The following PTGER3 variants were observed in gnomAD, a reference collection of about 807,000 sequenced individuals.
PTGER3 encodes the protein prostaglandin E receptor 3.
Under a neutral mutation model 34.7 loss-of-function variants are expected in PTGER3, and 22 were observed. The observed-to-expected ratio is 0.63, with a 90% CI of 0.45 to 0.91. PTGER3 has a LOEUF of 0.91. Among genes scored for constraint, PTGER3 ranks in the 40% least tolerant of loss-of-function variants. PTGER3 has a pLI of 0.00. For missense variants in PTGER3, 468 were observed against 519.4 expected (o/e 0.90, Z 0.96); for synonymous variants, 241 against 230.1 (o/e 1.05, Z -0.43).
intron 4 of PTGER3, among the ~76,000 whole-genome samples, chr1:70,938,143 T>A (rs1318744225): frequency 6.6e-6 from 1 of 152,142 alleles, no homozygotes; most frequent in Non-Finnish European, 1.5e-5. Flanking sequence ...TTAGCAAAAG[T>A]CTTATTTTAA....
chr1:70,891,472 G>T (rs1288448687), intron 4 of PTGER3, among the ~76,000 whole-genome samples: 1 of 151,796 alleles, frequency 6.6e-6, no homozygotes, highest in Middle Eastern at 3.2e-3. Context: ...CTCAGTTCTT[G>T]CTATTCTATT....
chr1:71,012,957 A>G (rs1290950093), intron 1 of PTGER3, among the ~76,000 whole-genome samples: 2 of 152,144 alleles, frequency 1.3e-5, no homozygotes, highest in African/African-American at 2.4e-5. Context: ...TATTGCCACT[A>G]GCATTTTCAG....
chr1:70,863,692 AT>A (rs11378106), intron 4 of PTGER3, among the ~76,000 whole-genome samples: 4,900 of 148,332 alleles, frequency 0.033, 298 homozygotes, highest in East Asian at 0.21. Flanking sequence ...TAGCAAATGG[AT>A]TTTTTTTTTT....
At chr1:70,861,471 T>A (rs1645925485) in intron 4 of PTGER3, among the ~76,000 whole-genome samples, 1 of 152,202 alleles carries the variant, frequency 6.6e-6, no homozygotes, top group Non-Finnish European at 1.5e-5. Flanking sequence ...CTGCATCACC[T>A]TGGCTATATT....
At chr1:70,926,507 T>C (rs938170584) in intron 4 of PTGER3, among the ~76,000 whole-genome samples, 3 of 152,178 alleles carry the variant, frequency 2.0e-5, no homozygotes, top group Non-Finnish European at 4.4e-5. Flanking sequence ...ATAAGAATGC[T>C]TGTGATTTTT....
At position 70,992,743 on chromosome 1, in the gene PTGER3, G is replaced by T. The variant is rs577280106; in HGVS notation, c.1078-18355C>A. Reference sequence around the variant, plus strand: ...ATCATTTTACTTGATTTCCTTTAGGGCTCAACCAAATAAAAGATACTAATT... The same window carrying T: ...ATCATTTTACTTGATTTCCTTTAGGTCTCAACCAAATAAAAGATACTAATT... On this transcript the variant is annotated intron_variant, in intron 2 of 3. Transcript: ENST00000306666. Among the ~76,000 whole-genome samples the T allele has an allele frequency of 2.0e-5, 3 of 152,216 alleles. No homozygotes were observed. The East Asian group carries it at 5.8e-4, about 29-fold the overall frequency.
At chr1:70,966,616 C>A (rs1011665447), downstream of PTGER3, among the ~76,000 whole-genome samples, 2 of 152,052 alleles carry the variant, frequency 1.3e-5, no homozygotes, top group Non-Finnish European at 1.5e-5. Flanking sequence ...GACCCCCCAA[C>A]AGGCCCTGGT....
intron 2 of PTGER3, chr1:71,008,958 T>C (rs1415064870): frequency 2.0e-6 from 2 of 983,116 alleles, no homozygotes; most frequent in Admixed American, 6.2e-5. Flanking sequence ...TGAAAATAAA[T>C]AGATATTATG....
chr1:71,000,254 A>G (rs1656354568), intron 2 of PTGER3, among the ~76,000 whole-genome samples: 1 of 152,188 alleles, frequency 6.6e-6, no homozygotes, highest in African/African-American at 2.4e-5. Context: ...TTTCTCATTA[A>G]CTGTTGTGTA....
intron 1 of PTGER3, among the ~76,000 whole-genome samples, chr1:71,027,229 T>C (rs1330788134): frequency 6.6e-6 from 1 of 152,124 alleles, no homozygotes; most frequent in South Asian, 2.1e-4. Flanking sequence ...AGTAATGCCA[T>C]CATAATTTAC....
At chr1:71,036,567 A>T (rs6691401) in intron 1 of PTGER3, among the ~76,000 whole-genome samples, 1 of 151,872 alleles carries the variant, frequency 6.6e-6, no homozygotes, top group Admixed American at 6.6e-5. Context: ...GGGGCCCGGC[A>T]CAGTGGCTCA....
intron 2 of PTGER3, among the ~76,000 whole-genome samples, chr1:70,958,806 T>C (rs1046641137): frequency 1.3e-5 from 2 of 152,222 alleles, no homozygotes; most frequent in African/African-American, 4.8e-5. Context: ...GTTTCATAGT[T>C]TGGATCTTAT....
chr1:71,044,259 A>G (rs867368469), intron 1 of PTGER3, among the ~76,000 whole-genome samples: 6 of 151,712 alleles, frequency 4.0e-5, no homozygotes, highest in Non-Finnish European at 5.9e-5. Flanking sequence ...CAACATGGTG[A>G]AACCCCATCT....
intron 2 of PTGER3, among the ~76,000 whole-genome samples, chr1:71,004,906 G>T (rs1278768500): frequency 6.6e-6 from 1 of 152,208 alleles, no homozygotes; most frequent in African/African-American, 2.4e-5. Context: ...TTCAGGAAAT[G>T]CCAGAACAGT....
At chr1:70,977,384 G>A (rs1345501704) in intron 2 of PTGER3, among the ~76,000 whole-genome samples, 1 of 151,914 alleles carries the variant, frequency 6.6e-6, no homozygotes, top group Non-Finnish European at 1.5e-5. Flanking sequence ...GTTTGTCTAC[G>A]AGATTCCTTC....
chr1:70,889,370 A>C (rs1211473492), intron 4 of PTGER3, among the ~76,000 whole-genome samples: 2 of 144,384 alleles, frequency 1.4e-5, no homozygotes, highest in Non-Finnish European at 3.0e-5. Flanking sequence ...AGCCGAGATC[A>C]CGCCACTGCA....
At chr1:70,986,701 C>G (rs974525671) in intron 2 of PTGER3, among the ~76,000 whole-genome samples, 1 of 152,150 alleles carries the variant, frequency 6.6e-6, no homozygotes, top group African/African-American at 2.4e-5. Flanking sequence ...CAAGCTGCCT[C>G]CCTTCAATTA....
intron 1 of PTGER3, among the ~76,000 whole-genome samples, chr1:71,013,987 G>A (rs1657675412): frequency 6.6e-6 from 1 of 152,106 alleles, no homozygotes; most frequent in Admixed American, 6.6e-5. Context: ...ACACTGAAAT[G>A]TTAGAATATG....
At chr1:70,859,240 ATAAT>A (rs1470005685) in intron 4 of PTGER3, among the ~76,000 whole-genome samples, 1 of 152,248 alleles carries the variant, frequency 6.6e-6, no homozygotes, top group African/African-American at 2.4e-5. Flanking sequence ...AATGAATTAA[ATAAT>A]TAATTTTGAG....
Sources: allele counts gnomAD v4.1 joint callset (sites outside exome capture counted in the v4.1 genomes callset), GRCh38; gene constraint gnomAD v4.1.1; transcripts MANE v1.5; gene names NCBI Gene and HGNC (gene_info 2026-07-23, HGNC 2026-07-21).